Variants in ATG5 observed in about 807,000 individuals in gnomAD.
ATG5 encodes autophagy related 5.
A neutral mutation model predicts 36.5 loss-of-function variants in ATG5; 14 were observed. The observed-to-expected ratio is 0.38, with a 90% confidence interval of 0.25 to 0.60. ATG5 has a LOEUF of 0.60. ATG5 is among the 20% of genes least tolerant of loss of function. ATG5 has a pLI of 0.60. For synonymous variants in ATG5, 95 were observed against 101.5 expected, an observed-to-expected ratio of 0.94 and a Z score of 0.38; for missense variants, 195 against 326.7, an observed-to-expected ratio of 0.60 and a Z score of 3.11.
intron 6 of ATG5, among the ~76,000 whole-genome samples, chr6:106,230,597 C>T (rs995642032): frequency 2.6e-5 from 4 of 152,168 alleles, no homozygotes; most frequent in Admixed American, 2.0e-4. Flanking sequence ...AGAGGACGCT[C>T]TAGGACTAAT....
At chr6:106,258,357 A>C (rs1778880789) in intron 5 of ATG5, among the ~76,000 whole-genome samples, 1 of 152,092 alleles carries the variant, frequency 6.6e-6, no homozygotes, top group East Asian at 1.9e-4. Flanking sequence ...TGGGTGACAG[A>C]GCAAGGAGGC....
At chr6:106,202,985 G>A (rs964505410) in intron 6 of ATG5, among the ~76,000 whole-genome samples, 4 of 152,098 alleles carry the variant, frequency 2.6e-5, no homozygotes, top group East Asian at 1.9e-4. Context: ...CCATCTAATG[G>A]TTGAGAGAGA....
intron 5 of ATG5, among the ~76,000 whole-genome samples, chr6:106,253,372 A>G (rs1778673751): frequency 6.6e-6 from 1 of 152,182 alleles, no homozygotes; most frequent in Non-Finnish European, 1.5e-5. Context: ...CTGTCCATAA[A>G]CACACATCTT....
chr6:106,287,865 A>T (rs201276950), intron 4 of ATG5, among the ~76,000 whole-genome samples: 6 of 152,116 alleles, frequency 3.9e-5, no homozygotes, highest in African/African-American at 1.5e-4. Context: ...CAGCATGCCT[A>T]TAGAATTAAT....
chr6:106,233,232 T>A (rs1582585977), intron 6 of ATG5, among the ~76,000 whole-genome samples: 1 of 152,248 alleles, frequency 6.6e-6, no homozygotes, highest in African/African-American at 2.4e-5. Context: ...GTGCCTATTC[T>A]GGCTTATCCT....
At position 106,228,486 on chromosome 6, in the gene ATG5, T is replaced by C. The variant is rs970932213; in HGVS notation, c.573+19664A>G. 3.9e-5 allele frequency among the ~76,000 whole-genome samples: 6 copies of C among 152,110 alleles called. No homozygotes were observed. In the East Asian group the frequency reaches 5.8e-4, roughly 15 times the overall value. On this transcript the variant is annotated intron_variant, in intron 6 of 7. Coordinates refer to ENST00000369076, the MANE Select transcript of ATG5 (RefSeq NM_004849.4). ...CTCTTCTGTGACCCGTGGCTTCTAA[T>C]AGAGCTATAACACTCACCGCGTGGC...
At chr6:106,269,777 C>T (rs1779381411) in intron 5 of ATG5, among the ~76,000 whole-genome samples, 2 of 152,322 alleles carry the variant, frequency 1.3e-5, no homozygotes, top group South Asian at 4.1e-4. Context: ...GGTTCCCGCT[C>T]GCGCCTCTCC....
intron 5 of ATG5, among the ~76,000 whole-genome samples, chr6:106,266,845 C>A (rs1779245631): frequency 6.6e-6 from 1 of 152,144 alleles, no homozygotes; most frequent in Admixed American, 6.5e-5. Context: ...ATTGATGGAA[C>A]ATATCTCAAA....
At chr6:106,287,970 T>C (rs541645034) in intron 4 of ATG5, among the ~76,000 whole-genome samples, 1 of 151,356 alleles carries the variant, frequency 6.6e-6, no homozygotes, top group South Asian at 2.1e-4. Context: ...TGGACCACAA[T>C]TAACTTTTTT....
chr6:106,287,486 T>G (rs1463386247), intron 4 of ATG5, among the ~76,000 whole-genome samples: 1 of 152,198 alleles, frequency 6.6e-6, no homozygotes, highest in Non-Finnish European at 1.5e-5. Context: ...TTGATCTTAT[T>G]TTACTTAACA....
At chr6:106,207,712 C>T (rs1776692357) in intron 6 of ATG5, among the ~76,000 whole-genome samples, 1 of 152,066 alleles carries the variant, frequency 6.6e-6, no homozygotes, top group African/African-American at 2.4e-5. Flanking sequence ...GTAACAGGCA[C>T]GATCATCACA....
At chr6:106,298,766 C>A (rs1057501006) in intron 3 of ATG5, among the ~76,000 whole-genome samples, 2 of 152,046 alleles carry the variant, frequency 1.3e-5, no homozygotes, top group Non-Finnish European at 2.9e-5. Context: ...GATATTAATT[C>A]CAAACAAATA....
intron 5 of ATG5, among the ~76,000 whole-genome samples, chr6:106,259,066 C>G (rs62422883): frequency 1.3e-5 from 2 of 152,082 alleles, no homozygotes; most frequent in Non-Finnish European, 2.9e-5. Flanking sequence ...ATGAGTGAAA[C>G]TGAAAAATCT....
intron 6 of ATG5, among the ~76,000 whole-genome samples, chr6:106,213,725 CTGTGT>C (rs1776938913): frequency 6.6e-6 from 1 of 152,126 alleles, no homozygotes; most frequent in Non-Finnish European, 1.5e-5. Flanking sequence ...CAACAACGTA[CTGTGT>C]ATCTAGAGCA....
chr6:106,209,527 A>G (rs1202688417), intron 6 of ATG5, among the ~76,000 whole-genome samples: 1 of 152,220 alleles, frequency 6.6e-6, no homozygotes, highest in Non-Finnish European at 1.5e-5. Context: ...GAGGTTAGGG[A>G]AGAAATGCAG....
In ATG5 at chr6:106,296,080, C is replaced by T. The variant is rs1472861394; in HGVS notation, c.237-2974G>A. ...GAAGTCCACAGACTAACCCTAGGTACAACATAAAGATCTAATGGAGCCAAT... is the reference window on the plus strand; with the variant it reads ...GAAGTCCACAGACTAACCCTAGGTATAACATAAAGATCTAATGGAGCCAAT... On this transcript the variant is annotated intron_variant, in intron 3 of 7. Transcript: ENST00000369076. Among the ~76,000 whole-genome samples the T allele has an allele frequency of 2.0e-5, 3 of 152,054 alleles. 1 individual carries two copies. The highest frequency in any genetic ancestry group is 1.3e-4 in the Admixed American group (2 of 15,268).
intron 6 of ATG5, among the ~76,000 whole-genome samples, chr6:106,227,577 C>A (rs1777496430): frequency 6.6e-6 from 1 of 151,088 alleles, no homozygotes; most frequent in Admixed American, 6.6e-5. Flanking sequence ...GCAGTGGAGA[C>A]CCTGTCTCTA....
intron 7 of ATG5, among the ~76,000 whole-genome samples, chr6:106,198,025 C>T (rs1163250631): frequency 6.6e-6 from 1 of 152,068 alleles, no homozygotes; most frequent in Non-Finnish European, 1.5e-5. Context: ...CATTACACTT[C>T]AAATGAAAAT....
chr6:106,290,376 G>A (rs183718578), intron 4 of ATG5, among the ~76,000 whole-genome samples: 7 of 151,490 alleles, frequency 4.6e-5, no homozygotes, highest in African/African-American at 1.5e-4. Flanking sequence ...GATGAAGTGC[G>A]GTTGTCTGAT....
Sources: gnomAD v4.1 joint callset for allele counts (sites outside exome capture counted in the v4.1 genomes callset) on GRCh38, gnomAD v4.1.1 for gene constraint, MANE v1.5 for transcripts, NCBI Gene and HGNC (gene_info 2026-07-23, HGNC 2026-07-21) for gene names.